Variants in SUMF1 observed in about 807,000 individuals in gnomAD.
SUMF1 encodes the protein sulfatase modifying factor 1.
A neutral mutation model predicts 47.6 loss-of-function variants in SUMF1; 48 were observed. That is an observed-to-expected ratio of 1.01 (90% CI 0.80 to 1.28). The LOEUF is 1.28. Among genes scored for constraint, SUMF1 ranks in the 50% most tolerant of loss-of-function variants. SUMF1 has a pLI of 0.00. For missense variants in SUMF1, 571 were observed against 485.4 expected, an observed-to-expected ratio of 1.18 and a Z score of -1.66; for synonymous variants, 230 against 192.1, an observed-to-expected ratio of 1.20 and a Z score of -1.63.
chr3:4,137,711 T>C (rs1693975290), intron 8 of SUMF1, among the ~76,000 whole-genome samples: 1 of 152,108 alleles, frequency 6.6e-6, no homozygotes, highest in Non-Finnish European at 1.5e-5. Context: ...ACATCATACT[T>C]AATGAAAGAC....
At chr3:4,299,417 G>A (rs1697919249) in intron 8 of SUMF1, among the ~76,000 whole-genome samples, 1 of 152,204 alleles carries the variant, frequency 6.6e-6, no homozygotes, top group South Asian at 2.1e-4. Context: ...TGACAGTCCT[G>A]TGAACCCGAA....
chr3:4,369,641 T>C (rs1163697403), intron 8 of SUMF1, among the ~76,000 whole-genome samples: 1 of 152,198 alleles, frequency 6.6e-6, no homozygotes, highest in Non-Finnish European at 1.5e-5. Flanking sequence ...ATTTCCATGA[T>C]CATGGCAGTG....
intron 9 of SUMF1, among the ~76,000 whole-genome samples, chr3:4,066,293 A>T (rs1695374252): frequency 6.6e-6 from 1 of 152,154 alleles, no homozygotes; most frequent in Non-Finnish European, 1.5e-5. Flanking sequence ...AACCACCAAA[A>T]GATGGTTTTC....
rs775067934 is a variant in SUMF1 at position 4,410,932 on chromosome 3, C to T, written c.887G>A (p.Gly296Glu). Reference protein sequence around the residue: ...PNGYGLYNIVGNAWEWTSDWW... With the variant: ...PNGYGLYNIVENAWEWTSDWW... ...GTCTGAAGTCCATTCCCATGCGTTC[C>T]CCACTATGTTGTATAAGCCATAACC... The change falls in exon 7 of 9, where the codon GGG becomes GAG. Residue 296 changes from glycine to glutamate, a missense_variant. Gly to Glu is a moderately conservative substitution (Grantham distance 98, BLOSUM62 -2). Transcript: ENST00000272902. 2 of 1,614,066 alleles carry T rather than the reference C, an allele frequency of 1.2e-6. No individual in the cohort carries two copies. Among genetic ancestry groups the T allele is most frequent in the South Asian group, 2.2e-5 (2 of 91,086 alleles).
chr3:4,453,610 T>A (rs1231955293), intron 1 of SUMF1, among the ~76,000 whole-genome samples: 1 of 151,034 alleles, frequency 6.6e-6, no homozygotes, highest in Non-Finnish European at 1.5e-5. Flanking sequence ...CACGGCTCAC[T>A]GCAACCTCCA....
chr3:4,179,745 C>T (rs780352865), intron 8 of SUMF1, among the ~76,000 whole-genome samples: 9 of 152,042 alleles, frequency 5.9e-5, no homozygotes, highest in Non-Finnish European at 1.0e-4. Flanking sequence ...CTATCATCAG[C>T]GTGAACTGGC....
chr3:4,282,876 G>C (rs1395968931), intron 8 of SUMF1, among the ~76,000 whole-genome samples: 3 of 152,086 alleles, frequency 2.0e-5, no homozygotes, highest in Admixed American at 6.5e-5. Context: ...TGACTACTCT[G>C]CTCAGTGAAA....
chr3:4,049,879 T>C (rs990888931), intron 9 of SUMF1, among the ~76,000 whole-genome samples: 1 of 152,042 alleles, frequency 6.6e-6, no homozygotes, highest in African/African-American at 2.4e-5. Context: ...TGGTGGAAAT[T>C]GCTCTCAATG....
intron 6 of SUMF1, among the ~76,000 whole-genome samples, chr3:4,412,887 TCAAA>T (rs558703485): frequency 1.2e-3 from 178 of 152,222 alleles, no homozygotes; most frequent in African/African-American, 4.0e-3. Context: ...AGATTACGTC[TCAAA>T]CAAACAAACA....
At chr3:4,100,798 C>G (rs1392655438) in intron 8 of SUMF1, among the ~76,000 whole-genome samples, 1 of 151,868 alleles carries the variant, frequency 6.6e-6, no homozygotes, top group Non-Finnish European at 1.5e-5. Flanking sequence ...ACTCAAACTA[C>G]CCAATAACAA....
chr3:4,048,188 T>C (rs955799873), intron 9 of SUMF1, among the ~76,000 whole-genome samples: 1 of 152,150 alleles, frequency 6.6e-6, no homozygotes, highest in African/African-American at 2.4e-5. Context: ...CAAATGCTAC[T>C]TTTTTTCACA....
intron 1 of SUMF1, among the ~76,000 whole-genome samples, chr3:4,454,901 G>A (rs1245727639): frequency 6.6e-6 from 1 of 152,202 alleles, no homozygotes; most frequent in Non-Finnish European, 1.5e-5. Flanking sequence ...TAGATTAGTG[G>A]TTGCCAGAGG....
At chr3:4,452,488 G>C (rs1575240969) in intron 2 of SUMF1, among the ~76,000 whole-genome samples, 1 of 152,204 alleles carries the variant, frequency 6.6e-6, no homozygotes, top group Non-Finnish European at 1.5e-5. Flanking sequence ...GAAGAAAAGT[G>C]GTCTTACTTT....
At chr3:4,083,768 A>T (rs1559456662) in intron 8 of SUMF1, among the ~76,000 whole-genome samples, 1 of 151,924 alleles carries the variant, frequency 6.6e-6, no homozygotes, top group Non-Finnish European at 1.5e-5. Flanking sequence ...TGTGGGAGAG[A>T]TAAAACATAA....
At chr3:4,129,586 G>A (rs1025846193) in intron 8 of SUMF1, among the ~76,000 whole-genome samples, 4 of 152,064 alleles carry the variant, frequency 2.6e-5, no homozygotes, top group Non-Finnish European at 4.4e-5. Flanking sequence ...CTTAAGGAAG[G>A]ACACCACTAC....
At chr3:4,161,799 G>A (rs974943587) in intron 8 of SUMF1, among the ~76,000 whole-genome samples, 1 of 152,058 alleles carries the variant, frequency 6.6e-6, no homozygotes, top group African/African-American at 2.4e-5. Context: ...CTACCCCACT[G>A]TGGCTGAGCT....
At chr3:4,123,009 C>A (rs753111598) in intron 8 of SUMF1, among the ~76,000 whole-genome samples, 16 of 152,106 alleles carry the variant, frequency 1.1e-4, no homozygotes, top group Non-Finnish European at 2.2e-4. Context: ...TACCAGGCAT[C>A]GTTCTATACT....
chr3:4,253,933 C>A lies in SUMF1; in HGVS notation c.1014+122397G>T, dbSNP rs575435244. 3.0e-3 allele frequency among the ~76,000 whole-genome samples: 446 copies of A among 150,506 alleles called. 2 individuals carry two copies. The highest frequency in any genetic ancestry group is 4.7e-3 in the Non-Finnish European group (321 of 67,654). ...GGAGATCTGAGAACTGGCAGACTGC[C>A]TCCTCAAGTGGGTCCCTGACCCCTG... is the stretch of plus-strand genomic sequence containing the variant. On this transcript the variant is annotated intron_variant and NMD_transcript_variant, in intron 8 of 12. Transcript: ENST00000448413.
intron 8 of SUMF1, among the ~76,000 whole-genome samples, chr3:4,275,427 C>T (rs893982677): frequency 2.0e-5 from 3 of 152,064 alleles, no homozygotes; most frequent in Non-Finnish European, 4.4e-5. Context: ...TTCAACAGGG[C>T]AATGTCAAGA....
Sources: gnomAD v4.1 joint callset for allele counts (sites outside exome capture counted in the v4.1 genomes callset) on GRCh38, gnomAD v4.1.1 for gene constraint, MANE v1.5 for transcripts, NCBI Gene and HGNC (gene_info 2026-07-23, HGNC 2026-07-21) for gene names.